TDRD12: variants seen among roughly 807,000 people sequenced by gnomAD.
TDRD12 encodes tudor domain containing 12, also known as putative ATP-dependent RNA helicase TDRD12.
Under a neutral mutation model 133.5 loss-of-function variants are expected in TDRD12, and 158 were observed. That is an observed-to-expected ratio of 1.18 (90% confidence interval 1.04 to 1.35). The LOEUF is 1.35. TDRD12 is among the 40% of genes most tolerant of loss of function. The pLI, the probability that TDRD12 is intolerant of heterozygous loss-of-function variation, is 0.00. For missense variants in TDRD12, 1,443 were observed against 1,321.3 expected (o/e 1.09, Z -1.43); for synonymous variants, 460 against 477.9 (o/e 0.96, Z 0.49).
intron 8 of TDRD12, among the ~76,000 whole-genome samples, chr19:32,757,357 C>T (rs533219343): frequency 6.6e-5 from 10 of 152,190 alleles, no homozygotes; most frequent in Non-Finnish European, 1.5e-4. Flanking sequence ...AGTTCATGTG[C>T]AGGACTGATT....
Position 32,794,624 on chromosome 19 carries a change from G to A in TDRD12, c.1288-4G>A, listed in dbSNP as rs1971169763. ...TTTGGTTTCTGGTTGTTTCTGTTTT[G>A]TAGGCTCTTCAAAGAAATAAGTTTC... is the stretch of plus-strand genomic sequence containing the variant. On this transcript the variant is annotated splice_region_variant and splice_polypyrimidine_tract_variant and intron_variant, in intron 13 of 27. Coordinates refer to ENST00000444215, the Ensembl canonical transcript of TDRD12. 2.9e-6 allele frequency: 2 copies of A among 701,640 alleles called. No homozygotes were observed. The highest frequency in any genetic ancestry group is 2.0e-5 in the Admixed American group (1 of 49,776). 43.5% of individuals were successfully genotyped at this position (701,640 alleles called of 1,614,324 possible). A position where few individuals can be genotyped will look rare whatever the true frequency, so the allele number is the denominator to read the frequency against.
At chr19:32,812,801 C>T (rs1362412921) in intron 24 of TDRD12, among the ~76,000 whole-genome samples, 2 of 152,198 alleles carry the variant, frequency 1.3e-5, no homozygotes, top group African/African-American at 2.4e-5. Context: ...AGGTCCCTTT[C>T]GCCCTGCTTT....
chr19:32,762,472 T>C (rs372374223), intron 8 of TDRD12, among the ~76,000 whole-genome samples: 4 of 152,298 alleles, frequency 2.6e-5, no homozygotes, highest in East Asian at 3.9e-4. Flanking sequence ...TTACATATTG[T>C]TTTGAAAGGA....
intron 8 of TDRD12, among the ~76,000 whole-genome samples, chr19:32,770,861 T>C (rs1599562844): frequency 6.6e-6 from 1 of 152,342 alleles, no homozygotes; most frequent in East Asian, 1.9e-4. Flanking sequence ...ACTAAGTAGA[T>C]GTTGATTATA....
At chr19:32,759,543 C>T (rs1471296462) in intron 8 of TDRD12, among the ~76,000 whole-genome samples, 1 of 152,030 alleles carries the variant, frequency 6.6e-6, no homozygotes, top group Non-Finnish European at 1.5e-5. Context: ...CACTTGAACC[C>T]AGGAGGCAGA....
At chr19:32,784,205 G>A (rs138599695) in intron 11 of TDRD12, among the ~76,000 whole-genome samples, 189 of 152,312 alleles carry the variant, frequency 1.2e-3, no homozygotes, top group Middle Eastern at 3.4e-3. Flanking sequence ...ATGAAAGGCT[G>A]TTGAATTTTG....
exon 2 of TDRD12, chr19:32,731,798 A>C (rs1315545161): frequency 2.6e-6 from 4 of 1,551,346 alleles, no homozygotes; most frequent in Non-Finnish European, 3.5e-6. Context: ...GTCGATTATC[A>C]AAAATTAAAT....
intron 26 of TDRD12, 48 bp downstream of exon 26, chr19:32,815,668 AC>A: frequency 5.4e-6 from 8 of 1,486,944 alleles, no homozygotes; most frequent in Non-Finnish European, 7.2e-6. Context: ...TTTTGGAAAT[AC>A]AACTCACAAG....
intron 18 of TDRD12, 145 bp downstream of exon 18, chr19:32,800,917 C>T (rs1971369353): frequency 3.5e-6 from 3 of 863,234 alleles, no homozygotes; most frequent in African/African-American, 3.5e-5. Context: ...GAGGTGGGGT[C>T]TTCTCACAGA....
In TDRD12 at chr19:32,771,319, C is replaced by T. The variant is rs895391620; in HGVS notation, c.866-1434C>T. On this transcript the variant is annotated intron_variant, in intron 8 of 27. Coordinates refer to ENST00000444215, the Ensembl canonical transcript of TDRD12. ...CCAAGTAGCTGGGACTACAGGTGTG[C>T]GTCACCACGCCTAGATAACTTTCAT... is the stretch of plus-strand genomic sequence containing the variant. 1.2e-4 allele frequency among the ~76,000 whole-genome samples: 19 copies of T among 152,236 alleles called. No homozygotes were observed. In the East Asian group the frequency reaches 2.3e-3, roughly 19 times the overall value.
exon 27 of TDRD12, chr19:32,818,150 G>C (rs1357749519): frequency 7.1e-6 from 5 of 702,124 alleles, no homozygotes; most frequent in Non-Finnish European, 1.0e-5. Context: ...GGAGCAGGGG[G>C]GGCAGGGGTG....
chr19:32,774,177 C>T (rs1862055768), intron 10 of TDRD12, among the ~76,000 whole-genome samples: 1 of 152,242 alleles, frequency 6.6e-6, no homozygotes, highest in Admixed American at 6.5e-5. Flanking sequence ...TCTAAGAACA[C>T]ACTTCCCCTC....
intron 1 of TDRD12, among the ~76,000 whole-genome samples, chr19:32,731,513 G>A (rs551693569): frequency 1.1e-4 from 17 of 152,148 alleles, no homozygotes; most frequent in Middle Eastern, 3.4e-3. Context: ...ACATCCGTTC[G>A]TTATTTGAGT....
chr19:32,768,705 A>G (rs952336448), intron 8 of TDRD12, among the ~76,000 whole-genome samples: 2 of 152,100 alleles, frequency 1.3e-5, no homozygotes, highest in Non-Finnish European at 1.5e-5. Context: ...GAGCACATCC[A>G]TACCCTAAGG....
exon 26 of TDRD12, chr19:32,815,467 C>A: frequency 6.5e-7 from 1 of 1,535,954 alleles, no homozygotes; most frequent in Non-Finnish European, 8.7e-7. Flanking sequence ...ACAAACCTTT[C>A]CAGTTTAAAA....
At position 32,817,018 on chromosome 19, in the gene TDRD12, G is replaced by A. The variant is rs144615995; in HGVS notation, c.3315-1071G>A. On this transcript the variant is annotated intron_variant, in intron 26 of 27. Transcript: ENST00000444215. ...AGGAAGGAAAACACGCACCAAGTGT[G>A]GGCAGGGATGAGAGTGGCAGGGCTT... Among the ~76,000 whole-genome samples the A allele has an allele frequency of 6.6e-3, 1,001 of 152,272 alleles. 14 individuals are homozygous for A. The highest frequency in any genetic ancestry group is 0.034 in the Middle Eastern group (10 of 294).
chr19:32,722,189 TGTCA>T (rs1036332829), intron 1 of TDRD12, among the ~76,000 whole-genome samples: 2 of 152,192 alleles, frequency 1.3e-5, no homozygotes, highest in African/African-American at 2.4e-5. Flanking sequence ...AGATGTTGTC[TGTCA>T]GTCCTAACGA....
chr19:32,756,401 T>A (rs554045112), intron 7 of TDRD12, among the ~76,000 whole-genome samples: 4 of 152,228 alleles, frequency 2.6e-5, no homozygotes, highest in Admixed American at 2.0e-4. Flanking sequence ...TTCTGTTTTT[T>A]TTTTGAGACG....
At chr19:32,816,502 G>A (rs1368465768) in intron 26 of TDRD12, among the ~76,000 whole-genome samples, 1 of 152,224 alleles carries the variant, frequency 6.6e-6, no homozygotes, top group Non-Finnish European at 1.5e-5. Flanking sequence ...ATGTTCCTTT[G>A]TATGAATATA....
Sources: allele counts gnomAD v4.1 joint callset (sites outside exome capture counted in the v4.1 genomes callset), GRCh38; gene constraint gnomAD v4.1.1; transcripts MANE v1.5; gene names NCBI Gene and HGNC (gene_info 2026-07-23, HGNC 2026-07-21).